The following PPIP5K1 variants were observed in gnomAD, a reference collection of about 807,000 sequenced individuals.
PPIP5K1 encodes diphosphoinositol pentakisphosphate kinase 1, also known as inositol hexakisphosphate and diphosphoinositol-pentakisphosphate kinase 1.
In PPIP5K1, 6 loss-of-function variants were observed where a neutral mutation model predicts 27.7. That is an observed-to-expected ratio of 0.22 (90% CI 0.12 to 0.43). The LOEUF is 0.43. Ranked by LOEUF, PPIP5K1 falls within the 20% of genes least tolerant of loss-of-function variation. The probability of loss-of-function intolerance (pLI) is 1.00; values close to 1 mark genes in which losing one functional copy is unlikely to be tolerated. For missense variants in PPIP5K1, 394 were observed against 635.4 expected, an observed-to-expected ratio of 0.62 and a Z score of 4.08; for synonymous variants, 145 against 242.6, an observed-to-expected ratio of 0.60 and a Z score of 3.74.
chr15:43,544,291 C>A (rs543892287), intron 30 of PPIP5K1, among the ~76,000 whole-genome samples: 9 of 152,202 alleles, frequency 5.9e-5, no homozygotes, highest in African/African-American at 2.2e-4. Flanking sequence ...TAACACTATT[C>A]TACATCTTGT....
chr15:43,537,710 G>C (rs140764879), intron 31 of PPIP5K1, among the ~76,000 whole-genome samples: 1 of 108,010 alleles, frequency 9.3e-6, no homozygotes, highest in Admixed American at 1.0e-4. Flanking sequence ...AAAAAAAAGA[G>C]AGAGAGAGAG....
intron 30 of PPIP5K1, among the ~76,000 whole-genome samples, chr15:43,548,982 T>C (rs1306304470): frequency 7.7e-6 from 1 of 129,858 alleles, no homozygotes; most frequent in Non-Finnish European, 1.5e-5. Flanking sequence ...GAGTGGACAT[T>C]GCGCCACTGC....
chr15:43,547,223 T>C (rs2081481842), intron 30 of PPIP5K1, among the ~76,000 whole-genome samples: 1 of 152,226 alleles, frequency 6.6e-6, no homozygotes. Context: ...ATTCAAGTCC[T>C]TTGCTCCTTT....
In PPIP5K1 at chr15:43,534,939, A is replaced by G. The variant is rs778349324; in HGVS notation, c.4208T>C (p.Val1403Ala). 64 of 1,613,950 alleles carry G rather than the reference A, an allele frequency of 4.0e-5. No individual in the cohort carries two copies. The highest frequency in any genetic ancestry group is 5.0e-5 in the Non-Finnish European group (59 of 1,180,008). Residue 1403 changes from valine (V) to alanine (A), a missense_variant, in exon 32 of 32, where the codon GTT (valine) becomes GCT (alanine). Val to Ala is a moderately conservative substitution (Grantham distance 64). This residue lies in a region of PPIP5K1 where 379 missense variants were observed against 423.9 expected (regional missense o/e 0.89). Transcript: ENST00000420765. ...ATGGAACTTATGGACCAGCTTGCCA[A>G]CCTCCACAGAGACCCCCTGGCATGG... ...SQPCQGVSVE[V>A]GKLVHKFHVG...
At chr15:43,553,187 G>C (rs1305503564) in intron 30 of PPIP5K1, among the ~76,000 whole-genome samples, 1 of 152,162 alleles carries the variant, frequency 6.6e-6, no homozygotes, top group Non-Finnish European at 1.5e-5. Flanking sequence ...ATAGATACTT[G>C]TTTTGTGGCC....
intron 30 of PPIP5K1, among the ~76,000 whole-genome samples, chr15:43,553,219 G>T (rs1033842649): frequency 5.9e-5 from 9 of 152,136 alleles, no homozygotes; most frequent in African/African-American, 2.2e-4. Context: ...CTATCCTGGA[G>T]GATATTTCAT....
intron 30 of PPIP5K1, among the ~76,000 whole-genome samples, chr15:43,556,916 G>T (rs1277761850): frequency 1.3e-5 from 2 of 152,106 alleles, no homozygotes; most frequent in African/African-American, 4.8e-5. Context: ...CATTTTCCTG[G>T]TTACTGAAAA....
chr15:43,543,793 C>T (rs1235137835), intron 30 of PPIP5K1, among the ~76,000 whole-genome samples: 2 of 147,634 alleles, frequency 1.4e-5, no homozygotes, highest in South Asian at 2.1e-4. Context: ...CTCTGTAATG[C>T]ATATATATAT....
At position 43,558,891 on chromosome 15, in the gene PPIP5K1, C is replaced by T. The variant is rs767318058; in HGVS notation, c.3460G>A (p.Glu1154Lys). 1 of 1,613,824 alleles carries T rather than the reference C, an allele frequency of 6.2e-7. No homozygotes were observed. The highest frequency in any genetic ancestry group is 1.7e-5 in the Admixed American group (1 of 59,998). Reference sequence around the variant, plus strand: ...AGGGAAAGGGCATTATGCAGTGTTTCCAGAGGGTAGATGGTAGGCACCATG... The same window carrying T: ...AGGGAAAGGGCATTATGCAGTGTTTTCAGAGGGTAGATGGTAGGCACCATG... ...CSMVPTIYPL[E>K]TLHNALSLRQ... Residue 1154 changes from glutamate (E) to lysine (K), a missense_variant, in exon 30 of 32, where the codon GAA becomes AAA. By Grantham distance (56) the Glu-to-Lys change is moderately conservative. Around this residue, in one of 4 missense-constraint regions of PPIP5K1, gnomAD observed 379 missense variants for 423.9 expected, o/e 0.89. Coordinates refer to ENST00000420765, the MANE Select transcript of PPIP5K1 (RefSeq NM_001394395.1).
intron 30 of PPIP5K1, among the ~76,000 whole-genome samples, chr15:43,546,178 G>A (rs951871506): frequency 1.3e-5 from 2 of 152,166 alleles, no homozygotes; most frequent in South Asian, 4.1e-4. Flanking sequence ...TTGGCATAAT[G>A]TTTTTAAGGT....
chr15:43,549,033 A>T (rs1483011250), intron 30 of PPIP5K1, among the ~76,000 whole-genome samples: 1 of 72,310 alleles, frequency 1.4e-5, no homozygotes, highest in Non-Finnish European at 2.2e-5. Context: ...ATCTCAAAAA[A>T]AAAAAAAAAA....
At chr15:43,539,814 T>C (rs2080426950) in intron 30 of PPIP5K1, among the ~76,000 whole-genome samples, 1 of 152,226 alleles carries the variant, frequency 6.6e-6, no homozygotes, top group Admixed American at 6.5e-5. Context: ...CTGCAGTCAA[T>C]GCCCATATAC....
rs370672000 is a variant in PPIP5K1 at position 43,555,649 on chromosome 15, C to T, written c.3556+3146G>A. ...AGAGATGGAGTCTCGCTGTGTTGCCCAGGCTGGAGTACAGTGGCACGATCT... is the reference window on the plus strand; with the variant it reads ...AGAGATGGAGTCTCGCTGTGTTGCCTAGGCTGGAGTACAGTGGCACGATCT... On this transcript the variant is annotated intron_variant, in intron 30 of 31. Transcript: ENST00000420765. Among the ~76,000 whole-genome samples, 54 of 150,386 alleles carry T rather than the reference C, an allele frequency of 3.6e-4. 1 individual carries two copies. The South Asian group carries it at 8.0e-3, about 22-fold the overall frequency.
At chr15:43,537,612 CTGGGATG>C (rs1285010890) in intron 31 of PPIP5K1, among the ~76,000 whole-genome samples, 4 of 143,042 alleles carry the variant, frequency 2.8e-5, no homozygotes, top group Non-Finnish European at 6.0e-5. Flanking sequence ...TCACTTGAGC[CTGGGATG>C]TGGAGGTTGC....
chr15:43,557,215 G>GA (rs938330469), intron 30 of PPIP5K1, among the ~76,000 whole-genome samples: 1 of 152,148 alleles, frequency 6.6e-6, no homozygotes, highest in African/African-American at 2.4e-5. Context: ...GGAACCCAAG[G>GA]GGGGGTGGAT....
chr15:43,538,750 G>C lies in PPIP5K1; in HGVS notation c.3670+720C>G, dbSNP rs2080255669. 3.3e-5 allele frequency among the ~76,000 whole-genome samples: 5 copies of C among 151,514 alleles called. No individual in the cohort carries two copies. The South Asian group carries it at 1.0e-3, about 32-fold the overall frequency. ...GATGGTCTCAATCTCCTGACCTCGT[G>C]ATCTGCCCGCCTCGGCCTCCCAAAG... On this transcript the variant is annotated intron_variant, in intron 31 of 31. Transcript: ENST00000420765.
intron 30 of PPIP5K1, among the ~76,000 whole-genome samples, chr15:43,557,540 A>G (rs1043384345): frequency 2.0e-5 from 3 of 152,190 alleles, no homozygotes; most frequent in Non-Finnish European, 1.5e-5. Flanking sequence ...GGCTGCAATA[A>G]GCTACGACTG....
intron 30 of PPIP5K1, among the ~76,000 whole-genome samples, chr15:43,555,823 C>A (rs1055939371): frequency 6.6e-6 from 1 of 151,950 alleles, no homozygotes; most frequent in Non-Finnish European, 1.5e-5. Context: ...CCAGGCTGGT[C>A]TCGAACTTCT....
At chr15:43,554,442 C>T (rs758167994) in intron 30 of PPIP5K1, among the ~76,000 whole-genome samples, 6 of 152,228 alleles carry the variant, frequency 3.9e-5, no homozygotes, top group South Asian at 2.1e-4. Context: ...ACCTCTGCAC[C>T]GCTCCTCTTG....
Sources: allele counts gnomAD v4.1 joint callset (sites outside exome capture counted in the v4.1 genomes callset), GRCh38; gene constraint gnomAD v4.1.1; regional missense constraint gnomAD v4.1.1; transcripts MANE v1.5; gene names NCBI Gene and HGNC (gene_info 2026-07-23, HGNC 2026-07-21).